Variants in SQLE observed in about 807,000 individuals in gnomAD.
SQLE encodes squalene monooxygenase.
In SQLE, 29 loss-of-function variants were observed where a neutral mutation model predicts 60.7. The observed-to-expected ratio is 0.48, with a 90% CI of 0.36 to 0.65. The LOEUF is 0.65. Ranked by LOEUF, SQLE falls within the 30% of genes least tolerant of loss-of-function variation. SQLE has a pLI of 0.00. For synonymous variants in SQLE, 237 were observed against 246.8 expected (o/e 0.96, Z 0.37); for missense variants, 605 against 684.1 (o/e 0.88, Z 1.29).
chr8:125,007,811 T>A (rs965424711), intron 4 of SQLE, among the ~76,000 whole-genome samples: 1 of 152,216 alleles, frequency 6.6e-6, no homozygotes, highest in Non-Finnish European at 1.5e-5. Flanking sequence ...TGAACTGAGT[T>A]CTTTCTAAGC....
At chr8:125,000,285 G>C (rs976996936) in intron 1 of SQLE, among the ~76,000 whole-genome samples, 1 of 152,206 alleles carries the variant, frequency 6.6e-6, no homozygotes. Flanking sequence ...CCTGCAAAGG[G>C]AGCAGAGGCG....
chr8:125,003,547 A>G, intron 2 of SQLE, 119 bp downstream of exon 2: 1 of 1,259,922 alleles, frequency 7.9e-7, no homozygotes, highest in Non-Finnish European at 1.1e-6. Flanking sequence ...AATTTTCTAT[A>G]CTCATTTACC....
At chr8:125,009,632 C>T (rs565015706) in intron 6 of SQLE, among the ~76,000 whole-genome samples, 1 of 152,120 alleles carries the variant, frequency 6.6e-6, no homozygotes, top group Non-Finnish European at 1.5e-5. Context: ...CCCGTCTCTA[C>T]TAAAAATACA....
chr8:125,021,934 A>G lies in SQLE; in HGVS notation c.1714A>G (p.Met572Val), dbSNP rs372091386. ...TCTAATTTACTCAGAAATGAAGTATATGGTTCATTAAGCTTAAAGGGGAAC... is the reference window on the plus strand; with the variant it reads ...TCTAATTTACTCAGAAATGAAGTATGTGGTTCATTAAGCTTAAAGGGGAAC... ...FPLIYSEMKYMVH is the reference protein window; with the variant it reads ...FPLIYSEMKYVVH Residue 572 changes from methionine (M) to valine (V), a missense_variant, in exon 11 of 11, where the codon ATG (methionine) becomes GTG (valine). Transcript: ENST00000265896. 8.8e-6 allele frequency: 14 copies of G among 1,596,184 alleles called. No individual in the cohort carries two copies. In the African/African-American group the frequency reaches 1.5e-4, roughly 17 times the overall value.
chr8:125,015,326 G>A (rs62529092), intron 7 of SQLE, among the ~76,000 whole-genome samples: 1 of 152,212 alleles, frequency 6.6e-6, no homozygotes, highest in East Asian at 1.9e-4. Flanking sequence ...CAGATCGTTG[G>A]TTCTTTTTTT....
intron 1 of SQLE, among the ~76,000 whole-genome samples, chr8:125,001,674 T>G (rs1337704283): frequency 6.8e-6 from 1 of 146,880 alleles, no homozygotes; most frequent in Admixed American, 6.7e-5. Context: ...CTGAGAGAAA[T>G]TAAAAAAAAA....
chr8:125,018,327 CT>C (rs1192588388), intron 8 of SQLE, 126 bp downstream of exon 8: 12 of 962,990 alleles, frequency 1.2e-5, no homozygotes, highest in Non-Finnish European at 1.8e-5. Flanking sequence ...TCTTAGGCAT[CT>C]TGCTTAGGCT....
At chr8:125,006,958 C>T (rs1033045301) in intron 3 of SQLE, among the ~76,000 whole-genome samples, 1 of 152,136 alleles carries the variant, frequency 6.6e-6, no homozygotes, top group African/African-American at 2.4e-5. Context: ...CCACCTTGGC[C>T]TCCCAAAGTT....
chr8:125,005,022 G>A (rs996124027), intron 2 of SQLE, among the ~76,000 whole-genome samples: 5 of 151,842 alleles, frequency 3.3e-5, no homozygotes, highest in Non-Finnish European at 7.4e-5. Context: ...AACAGTTGGG[G>A]GATAACTCTA....
chr8:125,009,491 CA>C (rs1463586456), intron 6 of SQLE, 148 bp downstream of exon 6: 4 of 863,816 alleles, frequency 4.6e-6, no homozygotes, highest in African/African-American at 1.7e-5. Flanking sequence ...AACAAACTCC[CA>C]AATTAATAAA....
chr8:125,000,017 A>C (rs1277971297), intron 1 of SQLE: 6 of 506,446 alleles, frequency 1.2e-5, no homozygotes, highest in Non-Finnish European at 2.3e-5. Context: ...AGTTTTTAAA[A>C]AGTTCTTGGG....
chr8:125,022,168 A>G lies in SQLE; in HGVS notation c.*223A>G, dbSNP rs9940. The G allele has an allele frequency of 0.06, 19,222 of 319,944 alleles. 1,053 individuals carry two copies. The highest frequency in any genetic ancestry group is 0.18 in the African/African-American group (8,675 of 47,034). The allele number at this position is 319,944 out of a possible 1,614,324, so 19.8% of individuals were successfully genotyped here. On this transcript the variant is annotated 3_prime_UTR_variant, in exon 11 of 11. Transcript: ENST00000265896. Reference sequence around the variant, plus strand: ...AAGGGGTTAAATAAGTTAGACATTTAAAAGAAATGATTGTTACCATAAATT... The same window carrying G: ...AAGGGGTTAAATAAGTTAGACATTTGAAAGAAATGATTGTTACCATAAATT...
chr8:125,019,283 GTT>G lies in SQLE; in HGVS notation c.1444+557_1444+558del, dbSNP rs1815162756. On this transcript the variant is annotated intron_variant, in intron 9 of 10. Transcript: ENST00000265896. ...GAAAACACAACTTAGCAGAAGCAGT[GTT>G]AGAAATGGAGGAAAAGAGGCCAGGC... Among the ~76,000 whole-genome samples, 3 of 151,798 alleles carry G rather than the reference GTT, an allele frequency of 2.0e-5. No homozygotes were observed. In the Admixed American group the frequency reaches 2.0e-4, roughly 10 times the overall value.
Position 124,998,615 on chromosome 8 carries a change from C to G in SQLE, c.-789C>G. The G allele has an allele frequency of 1.5e-6, 1 of 684,002 alleles. No homozygotes were observed. The highest frequency in any genetic ancestry group is 1.5e-5 in the South Asian group (1 of 65,798). 42.4% of individuals were successfully genotyped at this position (684,002 alleles called of 1,614,324 possible). ...CCCGCGAGGGATGCTGGTGAGGAAGCCGTCGGGAGCCGCCGCCGCCATCTG... is the reference window on the plus strand; with the variant it reads ...CCCGCGAGGGATGCTGGTGAGGAAGGCGTCGGGAGCCGCCGCCGCCATCTG... On this transcript the variant is annotated 5_prime_UTR_variant, in exon 1 of 11. Transcript: ENST00000265896.
intron 3 of SQLE, among the ~76,000 whole-genome samples, chr8:125,006,424 G>T (rs1290688014): frequency 2.6e-5 from 4 of 151,752 alleles, no homozygotes; most frequent in Non-Finnish European, 5.9e-5. Flanking sequence ...TTCAAAACCA[G>T]CCTGGCCAAT....
chr8:125,011,505 C>T (rs769421712), intron 6 of SQLE, 32 bp from the exon 7 acceptor site: 77 of 1,524,320 alleles, frequency 5.1e-5, no homozygotes, highest in Non-Finnish European at 6.7e-5. Context: ...GTGTTATGAC[C>T]CATTTCTTTG....
chr8:124,999,814 C>T (rs1814812823), intron 1 of SQLE, 120 bp downstream of exon 1: 1 of 1,218,122 alleles, frequency 8.2e-7, no homozygotes, highest in Admixed American at 2.8e-5. Context: ...TATACATTCT[C>T]ATGTATTTTT....
chr8:125,004,903 A>G (rs1210490745), intron 2 of SQLE, among the ~76,000 whole-genome samples: 1 of 152,108 alleles, frequency 6.6e-6, no homozygotes, highest in African/African-American at 2.4e-5. Context: ...TTTTTACATG[A>G]TTCTGATGAA....
rs1308579743 is a variant in SQLE at position 125,009,160 on chromosome 8, T to A, written c.937-12T>A. The A allele has an allele frequency of 6.4e-7, 1 of 1,574,236 alleles. No homozygotes were observed. On this transcript the variant is annotated splice_polypyrimidine_tract_variant and intron_variant, in intron 5 of 10. Coordinates refer to ENST00000265896, the MANE Select transcript of SQLE (RefSeq NM_003129.4). ...GAAAATTATTAAAACATTTTCTTTT[T>A]ATTTGTTTTAGAATGCACCACAGTT... is the stretch of plus-strand genomic sequence containing the variant.
Sources: allele counts gnomAD v4.1 joint callset (sites outside exome capture counted in the v4.1 genomes callset), GRCh38; gene constraint gnomAD v4.1.1; transcripts MANE v1.5; gene names NCBI Gene and HGNC (gene_info 2026-07-23, HGNC 2026-07-21).